Variants in PRPF18 observed in about 807,000 individuals in gnomAD.
PRPF18 encodes the protein pre-mRNA-splicing factor 18.
In PRPF18, 38 loss-of-function variants were observed where a neutral mutation model predicts 46.5. The observed-to-expected ratio is 0.82, with a 90% CI of 0.63 to 1.07. The LOEUF (loss-of-function observed/expected upper bound fraction) is 1.07, where lower values mean the gene tolerates loss of function less well. Among genes scored for constraint, PRPF18 ranks in the 50% least tolerant of loss-of-function variants. The pLI, the probability that PRPF18 is intolerant of heterozygous loss-of-function variation, is 0.00. For synonymous variants in PRPF18, 152 were observed against 146.7 expected (o/e 1.04, Z -0.26); for missense variants, 263 against 410.0 (o/e 0.64, Z 3.10).
intron 4 of PRPF18, among the ~76,000 whole-genome samples, chr10:13,609,676 A>G (rs1165362071): frequency 6.6e-6 from 1 of 152,224 alleles, no homozygotes; most frequent in Admixed American, 6.5e-5. Flanking sequence ...ATTGTAAATG[A>G]GCTGGGCAAA....
chr10:13,596,029 A>C lies in PRPF18; in HGVS notation c.67-1429A>C, dbSNP rs139704334. Among the ~76,000 whole-genome samples the C allele has an allele frequency of 7.8e-3, 1,188 of 152,340 alleles. 9 individuals are homozygous for C. Among genetic ancestry groups the C allele is most frequent in the Non-Finnish European group, 0.014 (923 of 68,028 alleles). Reference sequence around the variant, plus strand: ...CATTCGTATATTTTCCAACTGAATTAAAATATGTACATACATTTGCTTTTA... The same window carrying C: ...CATTCGTATATTTTCCAACTGAATTCAAATATGTACATACATTTGCTTTTA... On this transcript the variant is annotated intron_variant, in intron 1 of 9. Coordinates refer to ENST00000378572, the MANE Select transcript of PRPF18 (RefSeq NM_003675.4).
Position 13,630,527 on chromosome 10 carries a change from AT to A in PRPF18, c.*192del. On this transcript the variant is annotated 3_prime_UTR_variant, in exon 10 of 10. Coordinates refer to ENST00000378572, the MANE Select transcript of PRPF18 (RefSeq NM_003675.4). Reference sequence around the variant, plus strand: ...TCATTTCATATCTGACTGCAAGCTGATTTTTCTTTCTTGCTTTCATTTTAAT... The same window carrying A: ...TCATTTCATATCTGACTGCAAGCTGATTTTCTTTCTTGCTTTCATTTTAAT... The A allele has an allele frequency of 2.6e-6, 1 of 390,836 alleles. No homozygotes were observed. Among genetic ancestry groups the A allele is most frequent in the Non-Finnish European group, 4.6e-6 (1 of 218,618 alleles). The allele number at this position is 390,836 out of a possible 1,614,324, so 24.2% of individuals were successfully genotyped here. A position where few individuals can be genotyped will look rare whatever the true frequency, so the allele number is the denominator to read the frequency against.
intron 3 of PRPF18, among the ~76,000 whole-genome samples, chr10:13,603,166 G>A (rs1436806428): frequency 6.6e-6 from 1 of 152,196 alleles, no homozygotes; most frequent in Non-Finnish European, 1.5e-5. Context: ...CAGTTAAGTA[G>A]TAGACATGAT....
intron 1 of PRPF18, among the ~76,000 whole-genome samples, chr10:13,596,674 T>C (rs534065782): frequency 6.6e-6 from 1 of 152,326 alleles, no homozygotes; most frequent in South Asian, 2.1e-4. Flanking sequence ...TTATGTATAA[T>C]GTGGAAAGGA....
the PRPF18 span, among the ~76,000 whole-genome samples, chr10:13,650,743 A>G: frequency 1.3e-5 from 2 of 152,034 alleles, no homozygotes; most frequent in Non-Finnish European, 2.9e-5. Context: ...TTTTTTCTCT[A>G]CAGGAAACAA....
In PRPF18 at chr10:13,609,928, C is replaced by G; in HGVS notation, c.364-111C>G. The G allele has an allele frequency of 3.4e-6, 4 of 1,190,156 alleles. No homozygotes were observed. The South Asian group carries it at 4.6e-5, about 14-fold the overall frequency. The allele number at this position is 1,190,156 out of a possible 1,614,324, so 73.7% of individuals were successfully genotyped here. On this transcript the variant is annotated intron_variant, in intron 4 of 9. Coordinates refer to ENST00000378572, the MANE Select transcript of PRPF18 (RefSeq NM_003675.4). ...GATTTGAGTCCCTACTTTTGCTGAA[C>G]TCTTCTTGTGGGGGAAAAAATATTT... is the stretch of plus-strand genomic sequence containing the variant.
At position 13,587,028 on chromosome 10, in the gene PRPF18, A is replaced by G. The variant is rs41291325; in HGVS notation, c.-59A>G. On this transcript the variant is annotated 5_prime_UTR_variant, in exon 1 of 10. Coordinates refer to ENST00000378572, the MANE Select transcript of PRPF18 (RefSeq NM_003675.4). The stretch of plus-strand genomic sequence containing the variant: ...TCAGTGGGTTCGCGGCCGCCGGCCC[A>G]GTGAGGCTGGGTTCGAGGAGCTGGA... 5,589 of 1,572,050 alleles carry G rather than the reference A, an allele frequency of 3.6e-3. 20 individuals carry two copies. The highest frequency in any genetic ancestry group is 7.5e-3 in the African/African-American group (553 of 74,030).
At position 13,586,989 on chromosome 10, in the gene PRPF18, G is replaced by T; in HGVS notation, c.-98G>T. 1 of 1,257,560 alleles carries T rather than the reference G, an allele frequency of 8.0e-7. No individual in the cohort carries two copies. Among genetic ancestry groups the T allele is most frequent in the Non-Finnish European group, 1.2e-6 (1 of 856,568 alleles). The allele number at this position is 1,257,560 out of a possible 1,614,324, so 77.9% of individuals were successfully genotyped here. On this transcript the variant is annotated 5_prime_UTR_variant, in exon 1 of 10. Coordinates refer to ENST00000378572, the MANE Select transcript of PRPF18 (RefSeq NM_003675.4). ...CAGTTGTTCTCAGGTGTTTGGGCTT[G>T]TTGTTCCGTATACTCAGTGGGTTCG...
chr10:13,606,747 A>AAAAAAAC, intron 4 of PRPF18, among the ~76,000 whole-genome samples: 1 of 151,412 alleles, frequency 6.6e-6, no homozygotes, highest in South Asian at 2.1e-4. Context: ...AAAAAAAAAA[A>AAAAAAAC]AAAAAAAAAA....
the PRPF18 span, chr10:13,653,730 C>A: frequency 1.2e-4 from 18 of 150,108 alleles, no homozygotes; most frequent in African/African-American, 4.6e-4. Context: ...TCAGGGGCAA[C>A]AGAAGAGGCA....
chr10:13,602,907 A>G (rs1410589076), intron 3 of PRPF18, among the ~76,000 whole-genome samples: 1 of 152,086 alleles, frequency 6.6e-6, no homozygotes, highest in Non-Finnish European at 1.5e-5. Flanking sequence ...TAATTTTTGT[A>G]TTTTTAGTAG....
chr10:13,587,170 G>C lies in PRPF18; in HGVS notation c.66+18G>C. On this transcript the variant is annotated intron_variant, in intron 1 of 9. Transcript: ENST00000378572. Reference sequence around the variant, plus strand: ...TGCTGGTGGTGAGGACCCTGCGGTCGTGGGGGTCGGGATGTAAGAGTGAGA... The same window carrying C: ...TGCTGGTGGTGAGGACCCTGCGGTCCTGGGGGTCGGGATGTAAGAGTGAGA... The C allele has an allele frequency of 6.2e-7, 1 of 1,607,044 alleles. No individual in the cohort carries two copies. Among genetic ancestry groups the C allele is most frequent in the Non-Finnish European group, 8.5e-7 (1 of 1,173,708 alleles).
At chr10:13,636,461 G>A in the PRPF18 span, among the ~76,000 whole-genome samples, 1 of 152,146 alleles carries the variant, frequency 6.6e-6, no homozygotes. Context: ...TAGGTTTGGG[G>A]CAAGAATAGT....
intron 6 of PRPF18, 99 bp downstream of exon 6, chr10:13,611,782 C>T (rs1265383003): frequency 2.1e-6 from 2 of 968,848 alleles, no homozygotes; most frequent in Admixed American, 4.2e-5. Context: ...ACGGGAAAGC[C>T]TCAATACACA....
At chr10:13,650,483 C>G in the PRPF18 span, among the ~76,000 whole-genome samples, 1 of 152,222 alleles carries the variant, frequency 6.6e-6, no homozygotes, top group East Asian at 1.9e-4. Context: ...CACCGCAGCT[C>G]TTTCAAACCT....
intron 1 of PRPF18, among the ~76,000 whole-genome samples, chr10:13,596,593 T>C (rs1298377566): frequency 6.6e-6 from 1 of 152,144 alleles, no homozygotes; most frequent in Non-Finnish European, 1.5e-5. Flanking sequence ...TGGAATAATA[T>C]CCAAGAGGCA....
the PRPF18 span, chr10:13,652,098 G>GAGTT: frequency 1.4e-6 from 1 of 712,480 alleles, no homozygotes; most frequent in African/African-American, 1.7e-5. Flanking sequence ...TTAGACACCT[G>GAGTT]AGTTAGCAAC....
At chr10:13,603,234 A>T (rs1216459225) in intron 3 of PRPF18, among the ~76,000 whole-genome samples, 3 of 151,540 alleles carry the variant, frequency 2.0e-5, no homozygotes, top group Admixed American at 2.0e-4. Context: ...GTAAAAGAGG[A>T]CTCAGAGGCT....
chr10:13,645,562 A>G, the PRPF18 span: 2 of 152,422 alleles, frequency 1.3e-5, no homozygotes, highest in African/African-American at 4.8e-5. Flanking sequence ...CCACACATTA[A>G]TTTTTTTCTT....
Sources: allele counts gnomAD v4.1 joint callset (sites outside exome capture counted in the v4.1 genomes callset), GRCh38; gene constraint gnomAD v4.1.1; transcripts MANE v1.5; gene names NCBI Gene and HGNC (gene_info 2026-07-23, HGNC 2026-07-21).